The following IL1RAPL1 variants were observed in gnomAD, a reference collection of about 807,000 sequenced individuals.
The protein encoded by IL1RAPL1 is interleukin 1 receptor accessory protein like 1.
Under a neutral mutation model 48.4 loss-of-function variants are expected in IL1RAPL1, and 3 were observed. The observed-to-expected ratio is 0.06, with a 90% CI of 0.03 to 0.16. IL1RAPL1 has a LOEUF of 0.16. Among genes scored for constraint, IL1RAPL1 ranks in the 10% least tolerant of loss-of-function variants. IL1RAPL1 has a pLI of 1.00. For synonymous variants in IL1RAPL1, 185 were observed against 187.7 expected (o/e 0.99, Z 0.12); for missense variants, 349 against 530.6 (o/e 0.66, Z 3.36).
chrX:29,778,219 GTC>G (rs1346197678), intron 6 of IL1RAPL1, among the ~76,000 whole-genome samples: 1 of 111,343 alleles, frequency 9.0e-6, no homozygotes, highest in African/African-American at 3.3e-5. Context: ...CAATATAAGA[GTC>G]CACATTTCTG....
At chrX:29,629,797 A>AT (rs994430011) in intron 5 of IL1RAPL1, among the ~76,000 whole-genome samples, 5 of 111,740 alleles carry the variant, frequency 4.5e-5, no homozygotes, top group African/African-American at 1.3e-4. Context: ...AAAAGATCAA[A>AT]TCTCTCTCTG....
chrX:29,403,574 C>CA (rs1344723281), intron 5 of IL1RAPL1, among the ~76,000 whole-genome samples: 1 of 110,794 alleles, frequency 9.0e-6, no homozygotes, highest in Non-Finnish European at 1.9e-5. Flanking sequence ...TTCTAATCGA[C>CA]AAAAAAAGAA....
intron 2 of IL1RAPL1, among the ~76,000 whole-genome samples, chrX:29,199,922 T>C (rs1200101526): frequency 2.7e-5 from 3 of 112,335 alleles, no homozygotes; most frequent in Non-Finnish European, 5.6e-5. Flanking sequence ...AAAATTCACT[T>C]ATTTAATCAT....
chrX:29,342,259 T>C (rs1933094095), intron 3 of IL1RAPL1, among the ~76,000 whole-genome samples: 1 of 111,338 alleles, frequency 9.0e-6, no homozygotes, highest in Non-Finnish European at 1.9e-5. Context: ...GAATAAGTCA[T>C]TCATTTGAAT....
intron 1 of IL1RAPL1, among the ~76,000 whole-genome samples, chrX:28,654,619 T>C (rs987841653): frequency 8.9e-6 from 1 of 112,347 alleles, no homozygotes; most frequent in African/African-American, 3.2e-5. Context: ...CAGCAATCTA[T>C]GATTTTAGCA....
chrX:28,780,412 A>G (rs1025414932), intron 1 of IL1RAPL1, among the ~76,000 whole-genome samples: 2 of 105,838 alleles, frequency 1.9e-5, no homozygotes, highest in Non-Finnish European at 3.9e-5. Flanking sequence ...CAGATTGCTA[A>G]CCTGGTGTTT....
intron 2 of IL1RAPL1, among the ~76,000 whole-genome samples, chrX:28,861,832 T>C (rs961977656): frequency 9.0e-6 from 1 of 111,150 alleles, no homozygotes; most frequent in African/African-American, 3.3e-5. Flanking sequence ...TTTAGAACTT[T>C]ATGTTTTACT....
intron 2 of IL1RAPL1, among the ~76,000 whole-genome samples, chrX:28,940,193 G>C (rs1924130655): frequency 9.0e-6 from 1 of 111,414 alleles, no homozygotes; most frequent in South Asian, 3.7e-4. Context: ...CAACTCTGCA[G>C]AAAATATGAA....
chrX:29,863,129 T>G (rs1931625855), intron 6 of IL1RAPL1, among the ~76,000 whole-genome samples: 1 of 111,415 alleles, frequency 9.0e-6, no homozygotes, highest in South Asian at 3.8e-4. Context: ...TGTATCTCAT[T>G]ATATCATCCT....
intron 2 of IL1RAPL1, among the ~76,000 whole-genome samples, chrX:29,011,629 T>C (rs993234457): frequency 3.6e-5 from 4 of 111,934 alleles, no homozygotes; most frequent in African/African-American, 1.3e-4. Context: ...AGGTAAAGTT[T>C]GAAGAGACAG....
At chrX:29,657,204 A>T (rs181352709) in intron 5 of IL1RAPL1, among the ~76,000 whole-genome samples, 1 of 111,788 alleles carries the variant, frequency 8.9e-6, no homozygotes, top group East Asian at 2.8e-4. Context: ...ACCACTTTTA[A>T]TATGTGGTTA....
chrX:29,061,399 G>A (rs1429979602), intron 2 of IL1RAPL1, among the ~76,000 whole-genome samples: 1 of 111,979 alleles, frequency 8.9e-6, no homozygotes, highest in East Asian at 2.8e-4. Flanking sequence ...GTCATATAGT[G>A]AAGGTATCGA....
intron 3 of IL1RAPL1, chrX:29,368,928 T>G (rs1428447566): frequency 8.5e-6 from 1 of 117,858 alleles, no homozygotes; most frequent in Non-Finnish European, 1.7e-5. Context: ...ATCTCAACTG[T>G]TCTATCTTCT....
chrX:28,802,743 A>T (rs1013218452), intron 2 of IL1RAPL1, among the ~76,000 whole-genome samples: 5 of 112,093 alleles, frequency 4.5e-5, no homozygotes, highest in Non-Finnish European at 9.4e-5. Context: ...GAAAAAATGC[A>T]ACTATCTGAA....
At chrX:29,036,037 G>C (rs999944721) in intron 2 of IL1RAPL1, among the ~76,000 whole-genome samples, 2 of 111,778 alleles carry the variant, frequency 1.8e-5, no homozygotes, top group Admixed American at 1.9e-4. Flanking sequence ...CTATCCAATA[G>C]GGCATTGATG....
At chrX:28,966,970 A>T (rs1012575890) in intron 2 of IL1RAPL1, among the ~76,000 whole-genome samples, 1 of 111,861 alleles carries the variant, frequency 8.9e-6, no homozygotes, top group Non-Finnish European at 1.9e-5. Context: ...GACTGGTTCA[A>T]TTTTTGTCAG....
intron 6 of IL1RAPL1, among the ~76,000 whole-genome samples, chrX:29,739,662 T>C (rs777999594): frequency 3.6e-5 from 4 of 112,145 alleles, no homozygotes; most frequent in Non-Finnish European, 5.6e-5. Flanking sequence ...ATACATAAAG[T>C]ACCAACCATT....
chrX:28,841,204 G>A (rs1289992840), intron 2 of IL1RAPL1, among the ~76,000 whole-genome samples: 1 of 110,383 alleles, frequency 9.1e-6, no homozygotes, highest in Non-Finnish European at 1.9e-5. Flanking sequence ...TCTACCAGTA[G>A]ACAAATTTAC....
intron 2 of IL1RAPL1, among the ~76,000 whole-genome samples, chrX:29,037,945 G>A (rs1172803437): frequency 9.0e-6 from 1 of 111,127 alleles, no homozygotes; most frequent in Non-Finnish European, 1.9e-5. Flanking sequence ...CAGACAGTTG[G>A]CCTCCTAGCG....
Sources: gnomAD v4.1 joint callset for allele counts (sites outside exome capture counted in the v4.1 genomes callset) on GRCh38, gnomAD v4.1.1 for gene constraint, MANE v1.5 for transcripts, NCBI Gene and HGNC (gene_info 2026-07-23, HGNC 2026-07-21) for gene names.